NAA38: variants seen among roughly 807,000 people sequenced by gnomAD.
NAA38 encodes N-alpha-acetyltransferase 38, NatC auxiliary subunit.
In NAA38, 15 loss-of-function variants were observed where a neutral mutation model predicts 12.6. The ratio of observed to expected loss-of-function variants is 1.19; its 90% CI spans 0.79 to 1.83. The LOEUF is 1.83. Among genes scored for constraint, NAA38 ranks in the 40% most tolerant of loss-of-function variants. The probability of loss-of-function intolerance (pLI) is 0.00; values close to 1 mark genes in which losing one functional copy is unlikely to be tolerated. For missense variants in NAA38, 183 were observed against 171.7 expected, an observed-to-expected ratio of 1.07 and a Z score of -0.37; for synonymous variants, 88 against 69.9, an observed-to-expected ratio of 1.26 and a Z score of -1.29.
Position 7,857,102 on chromosome 17 carries a change from CATCT to C in NAA38, c.174_177del (p.Arg61HisfsTer58), listed in dbSNP as rs2078826605. 6.2e-7 allele frequency: 1 copy of C among 1,613,428 alleles called. No homozygotes were observed. Among genetic ancestry groups the C allele is most frequent in the Non-Finnish European group, 8.5e-7 (1 of 1,180,052 alleles). On this transcript the variant is annotated frameshift_variant, in exon 2 of 3. Transcript: ENST00000575771. LOFTEE classifies it high-confidence loss of function. ...AGGAAGCAGCCGACCAGTGTCCGTC[CATCT>C]GTCATGCGAATGCGCATAGTCTTGT...
At chr17:7,878,323 A>C (rs1967210414) in intron 2 of NAA38, among the ~76,000 whole-genome samples, 1 of 152,140 alleles carries the variant, frequency 6.6e-6, no homozygotes, top group African/African-American at 2.4e-5. Context: ...AAAATCAAGA[A>C]CAGGTTAGAT....
chr17:7,885,079 G>GCCCCCGCCA (rs1967567495), intron 1 of NAA38: 1 of 983,990 alleles, frequency 1.0e-6, no homozygotes, highest in East Asian at 1.1e-4. Context: ...CGCCCCCGCC[G>GCCCCCGCCA]CCAGGTAAGC....
At chr17:7,871,441 CT>C (rs1967083846) in intron 2 of NAA38, among the ~76,000 whole-genome samples, 1 of 151,976 alleles carries the variant, frequency 6.6e-6, no homozygotes, top group African/African-American at 2.4e-5. Context: ...TACTTTACTA[CT>C]TTTGTATTTT....
intron 1 of NAA38, chr17:7,885,037 GCCGCCGCCGCCACCGCTGCCC>G (rs1223542788): frequency 6.2e-6 from 7 of 1,120,152 alleles, no homozygotes; most frequent in African/African-American, 3.4e-5. Context: ...CGCCGCCGCC[GCCGCCGCCGCCACCGCTGCCC>G]CCGCCGCCGC....
At chr17:7,885,031 G>A (rs1282202075) in intron 1 of NAA38, 5 of 1,118,116 alleles carry the variant, frequency 4.5e-6, no homozygotes, top group East Asian at 4.6e-5. Context: ...TCTTCCCGCC[G>A]CCGCCGCCGC....
At chr17:7,884,893 CGAGGAG>C (rs770383628) in intron 1 of NAA38, 63 of 1,280,306 alleles carry the variant, frequency 4.9e-5, no homozygotes, top group Middle Eastern at 2.9e-4. Flanking sequence ...AAGAGGGCGA[CGAGGAG>C]GAGGAGGAGG....
chr17:7,871,034 A>T (rs1417569410), intron 2 of NAA38, among the ~76,000 whole-genome samples: 5 of 152,120 alleles, frequency 3.3e-5, no homozygotes, highest in Non-Finnish European at 5.9e-5. Flanking sequence ...ACCAGAAATT[A>T]TTTTTCTAAA....
At chr17:7,863,237 A>G (rs1162059689) in intron 3 of NAA38, 1 of 152,224 alleles carries the variant, frequency 6.6e-6, no homozygotes, top group Admixed American at 6.5e-5. Context: ...GGATATTTGC[A>G]TGAGGAGTAT....
intron 1 of NAA38, among the ~76,000 whole-genome samples, chr17:7,884,425 G>A (rs1282399865): frequency 2.8e-5 from 4 of 142,006 alleles, no homozygotes; most frequent in African/African-American, 5.2e-5. Context: ...GGAGAGGGGG[G>A]CAGAGAGAAG....
chr17:7,870,759 C>A (rs375523513), intron 2 of NAA38, among the ~76,000 whole-genome samples: 1 of 151,694 alleles, frequency 6.6e-6, no homozygotes, highest in African/African-American at 2.4e-5. Flanking sequence ...CAGTGGTGCA[C>A]GCCTGTAATC....
At position 7,878,555 on chromosome 17, in the gene NAA38, C is replaced by T. The variant is rs372381625; in HGVS notation, c.-66+4680G>A. On this transcript the variant is annotated intron_variant, in intron 2 of 4. Coordinates refer to the NAA38 transcript ENST00000576861. The stretch of plus-strand genomic sequence containing the variant: ...TGGCCAACATGGTAAAACCCCGCCT[C>T]TGCTAGAAATCCAAAAAATTAGCCG... Among the ~76,000 whole-genome samples, 77 of 152,182 alleles carry T rather than the reference C, an allele frequency of 5.1e-4. 2 individuals are homozygous for T. In the East Asian group the frequency reaches 0.013, roughly 26 times the overall value.
intron 2 of NAA38, among the ~76,000 whole-genome samples, chr17:7,872,688 A>G (rs1179091469): frequency 6.6e-6 from 1 of 152,192 alleles, no homozygotes; most frequent in Non-Finnish European, 1.5e-5. Flanking sequence ...TCACTATTTA[A>G]TCCATCTGAA....
At chr17:7,881,492 T>A (rs992336122) in intron 2 of NAA38, among the ~76,000 whole-genome samples, 1 of 151,638 alleles carries the variant, frequency 6.6e-6, no homozygotes, top group East Asian at 1.9e-4. Flanking sequence ...GGCAAGAAGT[T>A]AGATAAGACT....
chr17:7,859,493 A>C, upstream of NAA38: 3 of 1,614,076 alleles, frequency 1.9e-6, no homozygotes, highest in Non-Finnish European at 2.5e-6. Context: ...CATGGATTTT[A>C]CCCTGGAAGA....
intron 2 of NAA38, among the ~76,000 whole-genome samples, chr17:7,879,725 G>T (rs910340380): frequency 2.0e-5 from 3 of 152,070 alleles, no homozygotes; most frequent in African/African-American, 7.2e-5. Context: ...AGTACTGAAA[G>T]ACAGAAGAAG....
chr17:7,884,782 G>C, intron 1 of NAA38: 1 of 414,454 alleles, frequency 2.4e-6, no homozygotes, highest in Non-Finnish European at 4.0e-6. Flanking sequence ...GGGTGGGGGG[G>C]TGGTGGGGGG....
upstream of NAA38, chr17:7,858,882 AG>A: frequency 7.0e-7 from 1 of 1,434,654 alleles, no homozygotes; most frequent in East Asian, 2.4e-5. Flanking sequence ...GCAAATCTCC[AG>A]GCCGATCTTC....
upstream of NAA38, chr17:7,857,784 GAGAT>G: frequency 7.7e-7 from 1 of 1,294,976 alleles, no homozygotes; most frequent in Non-Finnish European, 9.8e-7. Context: ...CTGTCTCAGA[GAGAT>G]AGTCTGTCCT....
upstream of NAA38, chr17:7,859,011 C>T: frequency 1.7e-6 from 1 of 577,048 alleles, no homozygotes; most frequent in Non-Finnish European, 3.0e-6. Flanking sequence ...GTGTCTGGGT[C>T]ACAGGGGGAC....
Sources: gnomAD v4.1 joint callset for allele counts (sites outside exome capture counted in the v4.1 genomes callset) on GRCh38, gnomAD v4.1.1 for gene constraint, MANE v1.5 for transcripts, NCBI Gene and HGNC (gene_info 2026-07-23, HGNC 2026-07-21) for gene names.